DPH6: variants seen among roughly 807,000 people sequenced by gnomAD.
The protein encoded by DPH6 is diphthamine biosynthesis 6, also known as diphthine--ammonia ligase.
In DPH6, 33 loss-of-function variants were observed where a neutral mutation model predicts 38.2. That is an observed-to-expected ratio of 0.86 (90% CI 0.65 to 1.15). DPH6 has a LOEUF of 1.15. Among genes scored for constraint, DPH6 ranks in the 50% most tolerant of loss-of-function variants. The pLI, the probability that DPH6 is intolerant of heterozygous loss-of-function variation, is 0.00. For missense variants in DPH6, 325 were observed against 320.0 expected, an observed-to-expected ratio of 1.02 and a Z score of -0.12; for synonymous variants, 108 against 103.0, an observed-to-expected ratio of 1.05 and a Z score of -0.30.
chr15:35,408,753 G>C (rs1004434637), intron 6 of DPH6, among the ~76,000 whole-genome samples: 2 of 151,940 alleles, frequency 1.3e-5, no homozygotes, highest in South Asian at 2.1e-4. Flanking sequence ...TATTGTGTTT[G>C]GTAAAATGGG....
chr15:35,383,830 C>T (rs188129493), intron 6 of DPH6, among the ~76,000 whole-genome samples: 82 of 152,292 alleles, frequency 5.4e-4, no homozygotes, highest in African/African-American at 1.9e-3. Context: ...CTCAAAGGCC[C>T]TTTGATGTCT....
intron 3 of DPH6, among the ~76,000 whole-genome samples, chr15:35,229,144 C>A (rs557264773): frequency 6.6e-6 from 1 of 152,096 alleles, no homozygotes; most frequent in African/African-American, 2.4e-5. Flanking sequence ...CTATCCCTAT[C>A]GATTTCCCTA....
intron 3 of DPH6, among the ~76,000 whole-genome samples, chr15:35,269,227 A>G (rs532175126): frequency 1.3e-5 from 2 of 152,248 alleles, no homozygotes; most frequent in African/African-American, 4.8e-5. Flanking sequence ...AAAATGTAAA[A>G]TGTATATTCC....
At chr15:35,390,049 ATC>A (rs2053031964) in intron 6 of DPH6, among the ~76,000 whole-genome samples, 1 of 152,138 alleles carries the variant, frequency 6.6e-6, no homozygotes, top group African/African-American at 2.4e-5. Context: ...GGTGACAAAA[ATC>A]TCTCAGCATT....
At chr15:35,537,770 A>G (rs2055191975) in intron 3 of DPH6, among the ~76,000 whole-genome samples, 1 of 152,076 alleles carries the variant, frequency 6.6e-6, no homozygotes, top group Non-Finnish European at 1.5e-5. Context: ...CCCTGCCATC[A>G]TGTGCAATCT....
intron 3 of DPH6, chr15:35,237,485 CT>C: frequency 6.3e-7 from 1 of 1,574,848 alleles, no homozygotes; most frequent in South Asian, 1.1e-5. Flanking sequence ...CAACGTAGGC[CT>C]CACCTCAACT....
At chr15:35,162,262 C>T in the DPH6 span, among the ~76,000 whole-genome samples, 2 of 151,878 alleles carry the variant, frequency 1.3e-5, no homozygotes, top group Non-Finnish European at 2.9e-5. Context: ...AAAGGTGAGT[C>T]AGAAAATGCT....
chr15:35,372,452 C>T, intron 8 of DPH6: 1 of 290,080 alleles, frequency 3.4e-6, no homozygotes, highest in Non-Finnish European at 6.4e-6. Context: ...CACATGAATT[C>T]AGTGCTTTTG....
chr15:35,389,315 C>T (rs1459342582), intron 6 of DPH6, among the ~76,000 whole-genome samples: 2 of 152,144 alleles, frequency 1.3e-5, no homozygotes, highest in African/African-American at 4.8e-5. Context: ...AATGTATATT[C>T]TGTTGATTTG....
At chr15:35,446,197 C>T (rs1264878935) in intron 5 of DPH6, among the ~76,000 whole-genome samples, 1 of 148,774 alleles carries the variant, frequency 6.7e-6, no homozygotes, top group African/African-American at 2.5e-5. Flanking sequence ...CAGTACAGTA[C>T]TATAAGTGTA....
chr15:35,286,096 T>C (rs552982389), intron 3 of DPH6, among the ~76,000 whole-genome samples: 2 of 152,210 alleles, frequency 1.3e-5, no homozygotes, highest in East Asian at 3.9e-4. Flanking sequence ...TGAATTCACC[T>C]GTCCTGGGTA....
chr15:35,507,378 A>G (rs1055526650), intron 3 of DPH6, among the ~76,000 whole-genome samples: 23 of 152,064 alleles, frequency 1.5e-4, no homozygotes, highest in Non-Finnish European at 2.8e-4. Context: ...GCTGAAAATA[A>G]ACAGTAATTT....
intron 3 of DPH6, among the ~76,000 whole-genome samples, chr15:35,336,479 G>T (rs1482740993): frequency 6.6e-6 from 1 of 152,098 alleles, no homozygotes; most frequent in Non-Finnish European, 1.5e-5. Context: ...TGAAGGTTGT[G>T]CATTCATCAC....
chr15:35,328,926 G>C (rs903241178), downstream of DPH6, among the ~76,000 whole-genome samples: 15 of 152,174 alleles, frequency 9.9e-5, no homozygotes, highest in African/African-American at 3.6e-4. Flanking sequence ...AGCAGGCAGA[G>C]AGAGAATGAG....
intron 3 of DPH6, among the ~76,000 whole-genome samples, chr15:35,267,618 A>C (rs1379333335): frequency 2.6e-5 from 4 of 152,114 alleles, no homozygotes; most frequent in Non-Finnish European, 5.9e-5. Context: ...TTTAGGCCTA[A>C]ACTTCTAATT....
chr15:35,171,072 G>C, the DPH6 span, among the ~76,000 whole-genome samples: 2 of 152,226 alleles, frequency 1.3e-5, no homozygotes, highest in Non-Finnish European at 2.9e-5. Flanking sequence ...ATGTACATCA[G>C]ATAGGGAGTT....
intron 3 of DPH6, among the ~76,000 whole-genome samples, chr15:35,487,596 CAGT>C (rs2054421754): frequency 2.0e-5 from 3 of 152,236 alleles, no homozygotes; most frequent in African/African-American, 4.8e-5. Context: ...AGCAGTGGGG[CAGT>C]AGGCCTGGCC....
At chr15:35,311,329 A>G (rs781352320) in intron 3 of DPH6, among the ~76,000 whole-genome samples, 25 of 152,210 alleles carry the variant, frequency 1.6e-4, no homozygotes, top group Non-Finnish European at 2.6e-4. Context: ...TGGCAACTGA[A>G]GACTGCTTTT....
intron 3 of DPH6, among the ~76,000 whole-genome samples, chr15:35,226,801 T>G (rs1038402572): frequency 1.3e-5 from 2 of 152,076 alleles, no homozygotes; most frequent in South Asian, 2.1e-4. Flanking sequence ...AAATACCAGT[T>G]TTGTCTGGTT....
Sources: allele counts gnomAD v4.1 joint callset (sites outside exome capture counted in the v4.1 genomes callset), GRCh38; gene constraint gnomAD v4.1.1; transcripts MANE v1.5; gene names NCBI Gene and HGNC (gene_info 2026-07-23, HGNC 2026-07-21).